Variants in KSR2 observed in about 807,000 individuals in gnomAD.
KSR2 encodes the protein kinase suppressor of ras 2.
Under a neutral mutation model 107.8 loss-of-function variants are expected in KSR2, and 25 were observed. The observed-to-expected ratio is 0.23, with a 90% CI of 0.17 to 0.32. The LOEUF is 0.32. KSR2 is among the 10% of genes least tolerant of loss of function. KSR2 has a pLI of 1.00. For missense variants in KSR2, 887 were observed against 1,268.9 expected (o/e 0.70, Z 4.57); for synonymous variants, 480 against 507.0 (o/e 0.95, Z 0.71).
chr12:117,553,011 T>C (rs1426280347), intron 9 of KSR2, among the ~76,000 whole-genome samples: 1 of 152,232 alleles, frequency 6.6e-6, no homozygotes, highest in Non-Finnish European at 1.5e-5. Flanking sequence ...AGGATGATTG[T>C]CGTACGCCAC....
intron 5 of KSR2, among the ~76,000 whole-genome samples, chr12:117,649,012 T>C (rs1565943671): frequency 6.6e-6 from 1 of 152,248 alleles, no homozygotes; most frequent in Non-Finnish European, 1.5e-5. Flanking sequence ...AATGATACTT[T>C]GTCCATCTGA....
intron 1 of KSR2, among the ~76,000 whole-genome samples, chr12:117,955,712 C>T (rs1235867467): frequency 2.0e-5 from 3 of 151,814 alleles, no homozygotes; most frequent in Admixed American, 6.6e-5. Context: ...CTCGGGGGAT[C>T]AGATTTTCAG....
intron 3 of KSR2, among the ~76,000 whole-genome samples, chr12:117,809,952 G>T (rs1336695275): frequency 6.6e-6 from 1 of 152,154 alleles, no homozygotes; most frequent in East Asian, 1.9e-4. Context: ...TCAAGTGACT[G>T]AAGAGAGGGT....
intron 14 of KSR2, among the ~76,000 whole-genome samples, chr12:117,519,600 G>A (rs148065716): frequency 0.013 from 2,000 of 152,284 alleles, 41 homozygotes; most frequent in African/African-American, 0.046. Context: ...GGGACTGTAC[G>A]TTCTCTGAGT....
intron 1 of KSR2, among the ~76,000 whole-genome samples, chr12:117,950,457 A>G (rs1419589122): frequency 6.6e-6 from 1 of 152,098 alleles, no homozygotes; most frequent in Non-Finnish European, 1.5e-5. Context: ...TGTTGAGGCC[A>G]AGCACAGTGG....
intron 1 of KSR2, among the ~76,000 whole-genome samples, chr12:117,917,339 G>A (rs143370520): frequency 3.9e-4 from 60 of 152,226 alleles, no homozygotes; most frequent in Non-Finnish European, 5.9e-4. Context: ...GCAAGAGTTC[G>A]AGACCAGCCT....
At chr12:117,523,301 C>G (rs1420678089) in intron 14 of KSR2, among the ~76,000 whole-genome samples, 1 of 152,200 alleles carries the variant, frequency 6.6e-6, no homozygotes, top group Non-Finnish European at 1.5e-5. Context: ...AGATGCAAGA[C>G]TTGTGCATTT....
rs35876287 is a variant in KSR2, at chr12:117,628,648, A to G, written c.1171+38826T>C. On this transcript the variant is annotated intron_variant, in intron 5 of 19. Coordinates refer to ENST00000339824, the MANE Select transcript of KSR2 (RefSeq NM_173598.6). ...CTGGGAGGTGCCTCCCAGTTAGGCTACACGGGAGTCAGGGACCCACTTGAG... is the reference window on the plus strand; with the variant it reads ...CTGGGAGGTGCCTCCCAGTTAGGCTGCACGGGAGTCAGGGACCCACTTGAG... Among the ~76,000 whole-genome samples, 913 of 152,308 alleles carry G rather than the reference A, an allele frequency of 6.0e-3. 1 individual carries two copies. Among genetic ancestry groups the G allele is most frequent in the Non-Finnish European group, 8.8e-3 (596 of 68,016 alleles).
chr12:117,706,151 C>A (rs761280696), intron 4 of KSR2, among the ~76,000 whole-genome samples: 1 of 147,620 alleles, frequency 6.8e-6, no homozygotes, highest in Non-Finnish European at 1.5e-5. Flanking sequence ...TCAAACAATT[C>A]TCCTGCCTCG....
intron 1 of KSR2, among the ~76,000 whole-genome samples, chr12:117,964,554 C>T (rs1042475924): frequency 1.7e-4 from 26 of 152,298 alleles, no homozygotes; most frequent in Non-Finnish European, 3.4e-4. Flanking sequence ...TCTCTCTGTC[C>T]AATCTGAACT....
intron 14 of KSR2, among the ~76,000 whole-genome samples, chr12:117,523,780 C>T (rs146952141): frequency 9.4e-4 from 143 of 152,248 alleles, no homozygotes; most frequent in African/African-American, 3.2e-3. Context: ...CAAGACCAGC[C>T]TGACCAAAAT....
intron 4 of KSR2, among the ~76,000 whole-genome samples, chr12:117,749,130 A>G (rs1281580783): frequency 6.9e-6 from 1 of 144,678 alleles, no homozygotes; most frequent in African/African-American, 2.7e-5. Flanking sequence ...CAAAAAAAAA[A>G]AAAAAAGCAA....
At chr12:117,669,150 G>A (rs919747689) in intron 4 of KSR2, among the ~76,000 whole-genome samples, 3 of 152,148 alleles carry the variant, frequency 2.0e-5, no homozygotes, top group Non-Finnish European at 4.4e-5. Flanking sequence ...GGCAACAATT[G>A]TGCAATAAAG....
chr12:117,859,097 G>T (rs1893194856), intron 2 of KSR2, among the ~76,000 whole-genome samples: 1 of 151,072 alleles, frequency 6.6e-6, no homozygotes, highest in African/African-American at 2.4e-5. Flanking sequence ...GTAACAGGCT[G>T]GCATCTACTG....
intron 5 of KSR2, among the ~76,000 whole-genome samples, chr12:117,624,439 G>A (rs1381866782): frequency 6.6e-6 from 1 of 152,152 alleles, no homozygotes; most frequent in African/African-American, 2.4e-5. Flanking sequence ...TTCTACATAT[G>A]GCTAGCCAGT....
intron 3 of KSR2, among the ~76,000 whole-genome samples, chr12:117,844,006 C>T (rs1158481658): frequency 1.4e-5 from 2 of 145,298 alleles, no homozygotes; most frequent in Non-Finnish European, 3.0e-5. Flanking sequence ...CTAATAAATT[C>T]CATTTTTTCC....
intron 4 of KSR2, among the ~76,000 whole-genome samples, chr12:117,735,318 G>T (rs1230652630): frequency 1.3e-5 from 2 of 152,180 alleles, no homozygotes; most frequent in African/African-American, 2.4e-5. Context: ...TAGATCTGGG[G>T]CATTTAATTT....
chr12:117,849,326 C>T (rs1418966003), intron 3 of KSR2, among the ~76,000 whole-genome samples: 1 of 152,144 alleles, frequency 6.6e-6, no homozygotes, highest in East Asian at 1.9e-4. Flanking sequence ...AGAAAGTAAA[C>T]TTTATGGAGA....
chr12:117,637,606 A>G (rs1440182573), intron 5 of KSR2, among the ~76,000 whole-genome samples: 1 of 151,462 alleles, frequency 6.6e-6, no homozygotes, highest in Non-Finnish European at 1.5e-5. Flanking sequence ...ATCAATGACT[A>G]AATGTCAGTC....
Sources: allele counts gnomAD v4.1 joint callset (sites outside exome capture counted in the v4.1 genomes callset), GRCh38; gene constraint gnomAD v4.1.1; transcripts MANE v1.5; gene names NCBI Gene and HGNC (gene_info 2026-07-23, HGNC 2026-07-21).